PLD5: variants seen among roughly 807,000 people sequenced by gnomAD.
The protein encoded by PLD5 is phospholipase D family member 5, also known as inactive phospholipase D5.
PLD5 carries 36 observed loss-of-function variants against 61.1 expected under a neutral mutation model. That is an observed-to-expected ratio of 0.59 (90% CI 0.45 to 0.78). The LOEUF (loss-of-function observed/expected upper bound fraction) is 0.78, where lower values mean the gene tolerates loss of function less well. PLD5 is among the 30% of genes least tolerant of loss of function. PLD5 has a pLI of 0.00. For missense variants in PLD5, 515 were observed against 644.4 expected (o/e 0.80, Z 2.17); for synonymous variants, 243 against 242.8 (o/e 1.00, Z -0.01).
intron 1 of PLD5, among the ~76,000 whole-genome samples, chr1:242,406,934 G>T (rs997815788): frequency 6.6e-6 from 1 of 152,128 alleles, no homozygotes; most frequent in Non-Finnish European, 1.5e-5. Flanking sequence ...GGTTCTGTAG[G>T]GGTAAGAGGG....
chr1:242,416,314 T>C (rs1205656496), intron 1 of PLD5, among the ~76,000 whole-genome samples: 1 of 152,198 alleles, frequency 6.6e-6, no homozygotes, highest in Admixed American at 6.5e-5. Flanking sequence ...GGTTGTATTA[T>C]ACTCTTCTAC....
intron 5 of PLD5, among the ~76,000 whole-genome samples, chr1:242,172,749 C>T (rs1428616414): frequency 3.3e-5 from 5 of 152,116 alleles, no homozygotes; most frequent in South Asian, 4.1e-4. Flanking sequence ...ACAATAAACA[C>T]CTCTACGCAT....
intron 2 of PLD5, among the ~76,000 whole-genome samples, chr1:242,297,973 C>T (rs1351360310): frequency 8.5e-5 from 13 of 152,180 alleles, no homozygotes; most frequent in African/African-American, 2.7e-4. Flanking sequence ...GTTTTATAAC[C>T]GATTACTGTC....
chr1:242,529,381 C>G (rs1346630402), upstream of PLD5, among the ~76,000 whole-genome samples: 2 of 152,170 alleles, frequency 1.3e-5, no homozygotes, highest in Admixed American at 6.5e-5. Flanking sequence ...ACCACCTACT[C>G]CAGTCACTGT....
chr1:242,403,639 T>C (rs1053206172), intron 1 of PLD5, among the ~76,000 whole-genome samples: 13 of 151,298 alleles, frequency 8.6e-5, no homozygotes, highest in Non-Finnish European at 1.6e-4. Flanking sequence ...TAATTTTTTG[T>C]ATTTTTTTTT....
chr1:242,516,719 T>C (rs1387681551), intron 1 of PLD5, among the ~76,000 whole-genome samples: 1 of 152,210 alleles, frequency 6.6e-6, no homozygotes, highest in Non-Finnish European at 1.5e-5. Context: ...CTGCTTTAAT[T>C]AATCTAGCTT....
chr1:242,445,529 AC>A (rs776103467), intron 1 of PLD5, among the ~76,000 whole-genome samples: 31 of 152,126 alleles, frequency 2.0e-4, no homozygotes, highest in Admixed American at 1.6e-3. Context: ...TTTATTAGAG[AC>A]GGGGTTTCAC....
intron 5 of PLD5, among the ~76,000 whole-genome samples, chr1:242,142,893 T>G (rs1664280119): frequency 6.7e-6 from 1 of 148,266 alleles, no homozygotes. Context: ...TGTTGGCTGA[T>G]TTTTAGTAGA....
At chr1:242,142,720 C>T (rs866256079) in intron 5 of PLD5, among the ~76,000 whole-genome samples, 1 of 150,028 alleles carries the variant, frequency 6.7e-6, no homozygotes, top group Non-Finnish European at 1.5e-5. Flanking sequence ...GTCTTTCTCT[C>T]TCTCTCTCTC....
At chr1:242,209,549 G>T (rs971922024) in intron 5 of PLD5, among the ~76,000 whole-genome samples, 7 of 152,134 alleles carry the variant, frequency 4.6e-5, no homozygotes, top group South Asian at 2.1e-4. Flanking sequence ...GGTGATCTGT[G>T]ATCAGTTATC....
chr1:242,183,910 AT>A (rs138665484), intron 5 of PLD5, among the ~76,000 whole-genome samples: 15,933 of 151,994 alleles, frequency 0.1, 1,408 homozygotes, highest in East Asian at 0.42. Flanking sequence ...AAATAAATAA[AT>A]AAAAATAAAT....
Position 242,261,241 on chromosome 1 carries a change from T to G in PLD5, c.607+4096A>C, listed in dbSNP as rs193184309. On this transcript the variant is annotated intron_variant, in intron 4 of 9. Coordinates refer to ENST00000536534, the MANE Select transcript of PLD5 (RefSeq NM_001372062.1). ...GAACTAAAATACAGTCACCTAATTT[T>G]TAACAATGATGCCTCGAACATGCAG... 5.2e-4 allele frequency among the ~76,000 whole-genome samples: 79 copies of G among 152,350 alleles called. No individual in the cohort carries two copies. The East Asian group carries it at 0.013, about 26-fold the overall frequency.
intron 4 of PLD5, among the ~76,000 whole-genome samples, chr1:242,244,720 G>T (rs1672261758): frequency 6.6e-6 from 1 of 152,184 alleles, no homozygotes; most frequent in South Asian, 2.1e-4. Context: ...GATTTCAGGG[G>T]TCAAGACCTC....
chr1:242,191,544 CCACTG>C (rs71804971), intron 5 of PLD5, among the ~76,000 whole-genome samples: 15,892 of 151,978 alleles, frequency 0.1, 1,320 homozygotes, highest in East Asian at 0.35. Context: ...CAAGACTGCG[CCACTG>C]CACTCCAGCC....
chr1:242,130,892 T>C (rs1285719868), intron 5 of PLD5, among the ~76,000 whole-genome samples: 1 of 152,110 alleles, frequency 6.6e-6, no homozygotes, highest in Non-Finnish European at 1.5e-5. Flanking sequence ...ATTTCTTTTT[T>C]TTTACAAAGT....
intron 7 of PLD5, among the ~76,000 whole-genome samples, chr1:242,110,198 T>C (rs922657420): frequency 5.3e-5 from 8 of 151,934 alleles, no homozygotes; most frequent in Admixed American, 3.3e-4. Context: ...AATACTGAAC[T>C]GGCCCAGAAT....
At chr1:242,104,295 T>C (rs929103347) in intron 8 of PLD5, among the ~76,000 whole-genome samples, 5 of 146,234 alleles carry the variant, frequency 3.4e-5, no homozygotes, top group Non-Finnish European at 7.5e-5. Flanking sequence ...GGCTAGTTTT[T>C]GCTTTTTTTT....
chr1:242,502,706 C>T (rs918778085), intron 1 of PLD5, among the ~76,000 whole-genome samples: 7 of 151,322 alleles, frequency 4.6e-5, no homozygotes, highest in African/African-American at 1.2e-4. Flanking sequence ...TGTGTGTGTG[C>T]GTATCTCCTG....
chr1:242,309,020 A>T (rs1676539333), intron 2 of PLD5, among the ~76,000 whole-genome samples: 1 of 152,276 alleles, frequency 6.6e-6, no homozygotes, highest in Non-Finnish European at 1.5e-5. Flanking sequence ...GGCCTAAGGC[A>T]AGAATAAGAG....
Sources: gnomAD v4.1 joint callset for allele counts (sites outside exome capture counted in the v4.1 genomes callset) on GRCh38, gnomAD v4.1.1 for gene constraint, MANE v1.5 for transcripts, NCBI Gene and HGNC (gene_info 2026-07-23, HGNC 2026-07-21) for gene names.